FGD6: variants seen among roughly 807,000 people sequenced by gnomAD.
The protein encoded by FGD6 is FYVE, RhoGEF and PH domain containing 6.
FGD6 carries 90 observed loss-of-function variants against 149.4 expected under a neutral mutation model. The ratio of observed to expected loss-of-function variants is 0.60; its 90% confidence interval spans 0.51 to 0.72. The LOEUF is 0.72. Ranked by LOEUF, FGD6 falls within the 30% of genes least tolerant of loss-of-function variation. FGD6 has a pLI of 0.00. For synonymous variants in FGD6, 527 were observed against 584.0 expected (o/e 0.90, Z 1.41); for missense variants, 1,437 against 1,684.8 (o/e 0.85, Z 2.57).
chr12:95,157,294 C>T lies in FGD6; in HGVS notation c.2587-4301G>A, dbSNP rs112675969. On this transcript the variant is annotated intron_variant, in intron 3 of 20. Transcript: ENST00000343958. ...AAGAATATAAATACTGGGCTGGGTG[C>T]GGTGGCTGACGCCTGTAATCCCAGC... is the stretch of plus-strand genomic sequence containing the variant. Among the ~76,000 whole-genome samples the T allele has an allele frequency of 2.3e-3, 347 of 152,230 alleles. 1 individual carries two copies. The highest frequency in any genetic ancestry group is 3.8e-3 in the Non-Finnish European group (257 of 68,000).
Position 95,211,146 on chromosome 12 carries a change from C to T in FGD6, c.138G>A (p.Lys46=), listed in dbSNP as rs757921311. 2.4e-5 allele frequency: 38 copies of T among 1,614,050 alleles called. No homozygotes were observed. In the Middle Eastern group the frequency reaches 6.6e-4, roughly 28 times the overall value. Residue 46 remains lysine (K), a synonymous_variant, in exon 2 of 21, where the codon AAG becomes AAA. Coordinates refer to ENST00000343958, the MANE Select transcript of FGD6 (RefSeq NM_018351.4). Reference sequence around the variant, plus strand: ...TTGGGGCTATTGCTGGTTTCATTTTCTTTGTCGACTGTGGAACACTAGAAA... The same window carrying T: ...TTGGGGCTATTGCTGGTTTCATTTTTTTTGTCGACTGTGGAACACTAGAAA... The part of the protein sequence containing the change: ...IVISSVPQST[K]KMKPAIAPKP...
Position 95,110,265 on chromosome 12 carries a change from C to T in FGD6, c.3134-1704G>A, listed in dbSNP as rs552933013. Among the ~76,000 whole-genome samples, 7 of 150,580 alleles carry T rather than the reference C, an allele frequency of 4.6e-5. No homozygotes were observed. In the South Asian group the frequency reaches 1.3e-3, roughly 27 times the overall value. On this transcript the variant is annotated intron_variant, in intron 9 of 20. Transcript: ENST00000343958. Reference sequence around the variant, plus strand: ...TGCTGGGATTACAGGTGTGAGCCACCACACCCGGCCTGTATTCTTTCCACA... The same window carrying T: ...TGCTGGGATTACAGGTGTGAGCCACTACACCCGGCCTGTATTCTTTCCACA...
rs79509516 is a variant in FGD6, at chr12:95,152,715, C to T, written c.2685+96G>A. On this transcript the variant is annotated intron_variant, in intron 5 of 20. Transcript: ENST00000343958. ...GAAATACATACATTTTAGAAAATGTCTATCATTAAGTTAGTAATGCTGAAA... is the reference window on the plus strand; with the variant it reads ...GAAATACATACATTTTAGAAAATGTTTATCATTAAGTTAGTAATGCTGAAA... The T allele has an allele frequency of 9.5e-4, 1,020 of 1,073,670 alleles. 3 individuals carry two copies. The Middle Eastern group carries it at 0.019, about 20-fold the overall frequency. The allele number at this position is 1,073,670 out of a possible 1,614,324, so 66.5% of individuals were successfully genotyped here. A position where few individuals can be genotyped will look rare whatever the true frequency, so the allele number is the denominator to read the frequency against.
Position 95,153,005 on chromosome 12 carries a change from A to G in FGD6, c.2587-12T>C. On this transcript the variant is annotated splice_polypyrimidine_tract_variant and intron_variant, in intron 3 of 20. Transcript: ENST00000343958. ...CCATTATCTTCATCCTGTGGATAAGAGCACATTTAACATGAACTCATAAAA... is the reference window on the plus strand; with the variant it reads ...CCATTATCTTCATCCTGTGGATAAGGGCACATTTAACATGAACTCATAAAA... 6.2e-7 allele frequency: 1 copy of G among 1,611,246 alleles called. No individual in the cohort carries two copies. The highest frequency in any genetic ancestry group is 1.7e-5 in the Admixed American group (1 of 60,006).
chr12:95,129,331 CCATCCATCCAT>C (rs1879448680), intron 8 of FGD6, among the ~76,000 whole-genome samples: 1 of 144,050 alleles, frequency 6.9e-6, no homozygotes, highest in African/African-American at 2.5e-5. Flanking sequence ...ATCCATCCAT[CCATCCATCCAT>C]CCATCCATCC....
At chr12:95,110,197 T>C (rs1039155870) in intron 9 of FGD6, among the ~76,000 whole-genome samples, 4 of 151,912 alleles carry the variant, frequency 2.6e-5, no homozygotes, top group South Asian at 4.2e-4. Flanking sequence ...AGGATGGTCT[T>C]GATCTCCTGA....
At chr12:95,128,284 G>GAAGT (rs1015668990) in intron 8 of FGD6, among the ~76,000 whole-genome samples, 6 of 152,128 alleles carry the variant, frequency 3.9e-5, no homozygotes, top group Non-Finnish European at 8.8e-5. Context: ...CGCCCAGGGT[G>GAAGT]AAGTACAACA....
intron 3 of FGD6, among the ~76,000 whole-genome samples, chr12:95,161,156 G>A (rs1880629571): frequency 6.6e-6 from 1 of 152,020 alleles, no homozygotes; most frequent in South Asian, 2.1e-4. Flanking sequence ...CTCCAGCCTG[G>A]ATGACACATT....
Position 95,084,352 on chromosome 12 carries a change from T to G in FGD6, c.4256+146A>C. On this transcript the variant is annotated intron_variant, in intron 20 of 20. Coordinates refer to ENST00000343958, the MANE Select transcript of FGD6 (RefSeq NM_018351.4). Reference sequence around the variant, plus strand: ...TTGTCTTTAAAACAATTCTGAAGAGTTTAAATAATACGTTAAATCTTTCTA... The same window carrying G: ...TTGTCTTTAAAACAATTCTGAAGAGGTTAAATAATACGTTAAATCTTTCTA... 3 of 672,440 alleles carry G rather than the reference T, an allele frequency of 4.5e-6. No individual in the cohort carries two copies. In the South Asian group the frequency reaches 9.2e-5, roughly 21 times the overall value. The allele number at this position is 672,440 out of a possible 1,614,324, so 41.7% of individuals were successfully genotyped here.
intron 8 of FGD6, among the ~76,000 whole-genome samples, chr12:95,127,960 C>G (rs553553575): frequency 6.6e-6 from 1 of 152,126 alleles, no homozygotes; most frequent in Non-Finnish European, 1.5e-5. Flanking sequence ...AATGTAATAA[C>G]CTTCCACAAA....
intron 2 of FGD6, among the ~76,000 whole-genome samples, chr12:95,183,323 G>A (rs891032677): frequency 6.6e-6 from 1 of 152,208 alleles, no homozygotes; most frequent in African/African-American, 2.4e-5. Context: ...GGAACCAGGA[G>A]TGACCCCCAC....
intron 2 of FGD6, among the ~76,000 whole-genome samples, chr12:95,195,112 A>G (rs1259127794): frequency 2.6e-5 from 4 of 152,182 alleles, no homozygotes; most frequent in Non-Finnish European, 5.9e-5. Context: ...AGTAAAATCT[A>G]TTATTTTGCT....
intron 15 of FGD6, among the ~76,000 whole-genome samples, chr12:95,093,822 C>G (rs1878148932): frequency 6.6e-6 from 1 of 151,018 alleles, no homozygotes; most frequent in Non-Finnish European, 1.5e-5. Flanking sequence ...GCACTCCAGC[C>G]TGGCGACAGA....
intron 2 of FGD6, among the ~76,000 whole-genome samples, chr12:95,192,150 T>G (rs1230559468): frequency 6.6e-6 from 1 of 152,224 alleles, no homozygotes; most frequent in Non-Finnish European, 1.5e-5. Context: ...AGTCTGTACA[T>G]GTTCAATACA....
chr12:95,129,303 GCATGCATGCATC>G (rs1565903453), intron 8 of FGD6, among the ~76,000 whole-genome samples: 34 of 130,816 alleles, frequency 2.6e-4, no homozygotes, highest in Admixed American at 7.4e-4. Flanking sequence ...ATCCATGCAT[GCATGCATGCATC>G]CATCCATCCA....
intron 2 of FGD6, among the ~76,000 whole-genome samples, chr12:95,177,120 G>C (rs978541201): frequency 5.9e-5 from 9 of 152,156 alleles, no homozygotes; most frequent in African/African-American, 1.9e-4. Flanking sequence ...GAGCCACCAT[G>C]CCCAGTGGAA....
chr12:95,082,861 T>G (rs1357284996), intron 20 of FGD6, among the ~76,000 whole-genome samples: 2 of 148,620 alleles, frequency 1.3e-5, no homozygotes, highest in African/African-American at 4.9e-5. Flanking sequence ...TATTATTTTA[T>G]GTAGGCTGGG....
In FGD6 at chr12:95,122,645, C is replaced by CAAAAA. The variant is rs397687285; in HGVS notation, c.3083-8949_3083-8945dup. ...TGGGCAACAGAGCGAGACTCAGTCT[C>CAAAAA]AAAAAAAAAAAAAAAAAAAAAAAAG... On this transcript the variant is annotated intron_variant, in intron 8 of 20. Coordinates refer to ENST00000343958, the MANE Select transcript of FGD6 (RefSeq NM_018351.4). Among the ~76,000 whole-genome samples the CAAAAA allele has an allele frequency of 3.9e-4, 25 of 64,414 alleles. 2 individuals are homozygous for CAAAAA. Among genetic ancestry groups the CAAAAA allele is most frequent in the Middle Eastern group, 0.011 (1 of 92 alleles). 42.3% of individuals were successfully genotyped at this position (64,414 alleles called of 152,430 possible).
intron 8 of FGD6, among the ~76,000 whole-genome samples, chr12:95,134,067 TAAG>T (rs1460696546): frequency 1.3e-5 from 2 of 152,164 alleles, no homozygotes; most frequent in African/African-American, 4.8e-5. Flanking sequence ...ACTATCAGGA[TAAG>T]AATACTACTA....
Sources: gnomAD v4.1 joint callset for allele counts (sites outside exome capture counted in the v4.1 genomes callset) on GRCh38, gnomAD v4.1.1 for gene constraint, MANE v1.5 for transcripts, NCBI Gene and HGNC (gene_info 2026-07-23, HGNC 2026-07-21) for gene names.